The following SLC9C1 variants were observed in gnomAD, a reference collection of about 807,000 sequenced individuals.
SLC9C1 encodes the protein sodium/hydrogen exchanger 10.
Under a neutral mutation model 140.9 loss-of-function variants are expected in SLC9C1, and 97 were observed. That is an observed-to-expected ratio of 0.69 (90% CI 0.58 to 0.82). The LOEUF (loss-of-function observed/expected upper bound fraction) is 0.82, where lower values mean the gene tolerates loss of function less well. SLC9C1 is among the 40% of genes least tolerant of loss of function. SLC9C1 has a pLI of 0.00. For synonymous variants in SLC9C1, 440 were observed against 442.6 expected, an observed-to-expected ratio of 0.99 and a Z score of 0.07; for missense variants, 1,340 against 1,389.3, an observed-to-expected ratio of 0.96 and a Z score of 0.56.
chr3:112,275,045 A>G lies in SLC9C1; in HGVS notation c.485-20T>C, dbSNP rs1458747047. ...AAAGCCCTACATATGTTGAGGGGGAAAGATGTTTTTTAAAGTGAGAAAAAC... is the reference window on the plus strand; with the variant it reads ...AAAGCCCTACATATGTTGAGGGGGAGAGATGTTTTTTAAAGTGAGAAAAAC... On this transcript the variant is annotated intron_variant, in intron 5 of 28. Transcript: ENST00000305815. The G allele has an allele frequency of 2.0e-6, 3 of 1,537,864 alleles. No individual in the cohort carries two copies. Among genetic ancestry groups the G allele is most frequent in the Non-Finnish European group, 1.7e-6 (2 of 1,154,298 alleles).
At chr3:112,239,175 C>G (rs1461969027) in intron 12 of SLC9C1, among the ~76,000 whole-genome samples, 1 of 152,248 alleles carries the variant, frequency 6.6e-6, no homozygotes, top group African/African-American at 2.4e-5. Flanking sequence ...CCTCCCCAGC[C>G]TCACTGCCAC....
chr3:112,286,843 T>C lies in SLC9C1; in HGVS notation c.-52A>G. ...TATGTTAGAAGCAATCTCCATATGA[T>C]CATCCATCTTGTTGTTTTTCACAGT... is the stretch of plus-strand genomic sequence containing the variant. On this transcript the variant is annotated 5_prime_UTR_variant, in exon 2 of 29. The change abolishes the stop of an existing upstream ORF in the 5' untranslated region. Coordinates refer to ENST00000305815, the MANE Select transcript of SLC9C1 (RefSeq NM_183061.3). The C allele has an allele frequency of 7.7e-7, 1 of 1,290,968 alleles. No individual in the cohort carries two copies. Among genetic ancestry groups the C allele is most frequent in the East Asian group, 2.4e-5 (1 of 41,656 alleles). The allele number at this position is 1,290,968 out of a possible 1,614,324, so 80.0% of individuals were successfully genotyped here.
At chr3:112,247,166 G>T (rs1286749461) in intron 10 of SLC9C1, among the ~76,000 whole-genome samples, 1 of 152,128 alleles carries the variant, frequency 6.6e-6, no homozygotes, top group Non-Finnish European at 1.5e-5. Context: ...AGCAAATCCT[G>T]TCAACGCATG....
chr3:112,163,731 A>T (rs1338321114), intron 26 of SLC9C1, among the ~76,000 whole-genome samples: 1 of 152,064 alleles, frequency 6.6e-6, no homozygotes, highest in African/African-American at 2.4e-5. Flanking sequence ...TGTGGTGCTG[A>T]AAAAAATGTA....
In SLC9C1 at chr3:112,270,201, T is replaced by C. The variant is rs550327983; in HGVS notation, c.614-124A>G. ...AATTAGCTAACTGCCACAATGAACATGAGAGTGCAGATATCCCTGGGACAT... is the reference window on the plus strand; with the variant it reads ...AATTAGCTAACTGCCACAATGAACACGAGAGTGCAGATATCCCTGGGACAT... On this transcript the variant is annotated intron_variant, in intron 6 of 28. Transcript: ENST00000305815. The C allele has an allele frequency of 1.9e-4, 176 of 935,288 alleles. 1 individual carries two copies. In the East Asian group the frequency reaches 3.6e-3, roughly 19 times the overall value. 57.9% of individuals were successfully genotyped at this position (935,288 alleles called of 1,614,324 possible). A position where few individuals can be genotyped will look rare whatever the true frequency, so the allele number is the denominator to read the frequency against.
Position 112,202,371 on chromosome 3 carries a change from A to AT in SLC9C1, c.2200dup (p.Ile734AsnfsTer3). 6.2e-7 allele frequency: 1 copy of AT among 1,604,912 alleles called. No homozygotes were observed. Among genetic ancestry groups the AT allele is most frequent in the Non-Finnish European group, 8.5e-7 (1 of 1,175,094 alleles). On this transcript the variant is annotated frameshift_variant, in exon 18 of 29. Coordinates refer to ENST00000305815, the MANE Select transcript of SLC9C1 (RefSeq NM_183061.3). LOFTEE classifies it high-confidence loss of function. Reference sequence around the variant, plus strand: ...CTTCTGATGACTCATTCTTTTATCTATTATTTGCAGCAACTTTGGTGCTAT... The same window carrying AT: ...CTTCTGATGACTCATTCTTTTATCTATTTATTTGCAGCAACTTTGGTGCTAT...
At chr3:112,250,972 A>G (rs1042287268) in intron 10 of SLC9C1, among the ~76,000 whole-genome samples, 6 of 152,194 alleles carry the variant, frequency 3.9e-5, no homozygotes, top group Admixed American at 6.5e-5. Context: ...ACAAGAGTAA[A>G]TACATGAAAT....
chr3:112,226,403 A>G lies in SLC9C1; in HGVS notation c.1572+4958T>C, dbSNP rs190002583. Among the ~76,000 whole-genome samples, 463 of 152,306 alleles carry G rather than the reference A, an allele frequency of 3.0e-3. 4 individuals carry two copies. The highest frequency in any genetic ancestry group is 0.011 in the African/African-American group (443 of 41,572). On this transcript the variant is annotated intron_variant, in intron 13 of 28. Transcript: ENST00000305815. The stretch of plus-strand genomic sequence containing the variant: ...AAAAGCTGCACTAAGAGGGAAATTT[A>G]TAGTAATAAACTTTTACATCAAAAA...
intron 13 of SLC9C1, among the ~76,000 whole-genome samples, chr3:112,223,817 T>C (rs2078606989): frequency 6.6e-6 from 1 of 152,346 alleles, no homozygotes; most frequent in Admixed American, 6.5e-5. Flanking sequence ...TGGTATTCAC[T>C]GAAGACATAC....
chr3:112,197,351 A>G (rs913812334), intron 20 of SLC9C1, among the ~76,000 whole-genome samples: 17 of 152,180 alleles, frequency 1.1e-4, no homozygotes, highest in African/African-American at 3.9e-4. Flanking sequence ...AGGTGCAATC[A>G]CAATGGTTTC....
intron 23 of SLC9C1, among the ~76,000 whole-genome samples, chr3:112,177,563 T>C (rs1040060881): frequency 1.3e-5 from 2 of 150,034 alleles, no homozygotes; most frequent in Non-Finnish European, 3.0e-5. Flanking sequence ...TATTGCATCA[T>C]GGTCAGGAAA....
At chr3:112,175,849 G>A (rs565406584) in intron 23 of SLC9C1, among the ~76,000 whole-genome samples, 14 of 152,324 alleles carry the variant, frequency 9.2e-5, no homozygotes, top group Admixed American at 7.2e-4. Flanking sequence ...TGGCCCGCCC[G>A]ACCTGCTGGG....
rs1364695097 is a variant in SLC9C1, at chr3:112,141,195, G to A, written c.*77C>T. ...CAACCTGAAGTTACTCCTTCTTGAT[G>A]TAGGGAAGTGTGTTTCTGCAGCAGG... On this transcript the variant is annotated 3_prime_UTR_variant, in exon 29 of 29. Transcript: ENST00000305815. The A allele has an allele frequency of 4.5e-5, 63 of 1,411,176 alleles. No homozygotes were observed. The highest frequency in any genetic ancestry group is 5.8e-5 in the Non-Finnish European group (61 of 1,059,038). The allele number at this position is 1,411,176 out of a possible 1,614,324, so 87.4% of individuals were successfully genotyped here.
chr3:112,282,727 T>C (rs1030526568), intron 2 of SLC9C1, among the ~76,000 whole-genome samples: 1 of 152,200 alleles, frequency 6.6e-6, no homozygotes, highest in Non-Finnish European at 1.5e-5. Context: ...TCGGATGGAC[T>C]AAATAGCTGG....
At chr3:112,166,037 G>A (rs1173322760) in intron 26 of SLC9C1, among the ~76,000 whole-genome samples, 1 of 129,428 alleles carries the variant, frequency 7.7e-6, no homozygotes, top group Non-Finnish European at 1.7e-5. Flanking sequence ...CTAGCAGTGA[G>A]TGAGGCTCCG....
chr3:112,196,097 C>T (rs2077762179), intron 20 of SLC9C1, among the ~76,000 whole-genome samples: 1 of 152,026 alleles, frequency 6.6e-6, no homozygotes, highest in Non-Finnish European at 1.5e-5. Flanking sequence ...GTAACAAACT[C>T]CCTAAACTTT....
chr3:112,150,179 A>G (rs932982645), intron 28 of SLC9C1, among the ~76,000 whole-genome samples: 6 of 152,154 alleles, frequency 3.9e-5, no homozygotes, highest in African/African-American at 1.4e-4. Flanking sequence ...CTGGCCTGAG[A>G]CTAAAATGCC....
At chr3:112,280,877 T>C in intron 2 of SLC9C1, 94 bp from the exon 3 acceptor site, 1 of 921,398 alleles carries the variant, frequency 1.1e-6, no homozygotes, top group Non-Finnish European at 1.6e-6. Context: ...AACAATGTCT[T>C]ACAGTTTCAC....
intron 26 of SLC9C1, among the ~76,000 whole-genome samples, chr3:112,159,993 G>C (rs978479018): frequency 4.6e-5 from 7 of 151,462 alleles, no homozygotes; most frequent in Non-Finnish European, 8.8e-5. Flanking sequence ...GCATATAGTT[G>C]GGTTTTATTT....
Sources: gnomAD v4.1 joint callset for allele counts (sites outside exome capture counted in the v4.1 genomes callset) on GRCh38, gnomAD v4.1.1 for gene constraint, MANE v1.5 for transcripts, NCBI Gene and HGNC (gene_info 2026-07-23, HGNC 2026-07-21) for gene names.